Variants in ANO4 observed in about 807,000 individuals in gnomAD.
The protein encoded by ANO4 is anoctamin 4.
Under a neutral mutation model 141.9 loss-of-function variants are expected in ANO4, and 69 were observed. That is an observed-to-expected ratio of 0.49 (90% CI 0.40 to 0.59). ANO4 has a LOEUF of 0.59. ANO4 is among the 20% of genes least tolerant of loss of function. The pLI, the probability that ANO4 is intolerant of heterozygous loss-of-function variation, is 0.00. For synonymous variants in ANO4, 350 were observed against 394.3 expected, an observed-to-expected ratio of 0.89 and a Z score of 1.33; for missense variants, 894 against 1,162.2, an observed-to-expected ratio of 0.77 and a Z score of 3.36.
intron 23 of ANO4, among the ~76,000 whole-genome samples, 176 bp downstream of exon 23, chr12:101,110,732 C>G (rs2050631365): frequency 6.6e-6 from 1 of 152,058 alleles, no homozygotes; most frequent in Non-Finnish European, 1.5e-5. Flanking sequence ...GTAAAGCTAC[C>G]TATTTGGAAG....
chr12:100,827,779 G>A (rs548102230), intron 1 of ANO4, among the ~76,000 whole-genome samples: 1 of 152,120 alleles, frequency 6.6e-6, no homozygotes, highest in East Asian at 1.9e-4. Context: ...TGGGTAAGAA[G>A]TCCAGCCATT....
At chr12:101,048,785 T>C (rs761835428) in intron 14 of ANO4, among the ~76,000 whole-genome samples, 1 of 152,196 alleles carries the variant, frequency 6.6e-6, no homozygotes, top group Non-Finnish European at 1.5e-5. Context: ...AGCTTTCTTC[T>C]AGCTCTGTAC....
chr12:100,974,797 G>T (rs1467524319), intron 6 of ANO4, 48 bp from the exon 7 acceptor site: 3 of 1,600,812 alleles, frequency 1.9e-6, no homozygotes, highest in Middle Eastern at 1.7e-4. Context: ...AACTGTAACT[G>T]ACGATGGGTT....
intron 21 of ANO4, 147 bp downstream of exon 21, chr12:101,098,092 G>C (rs1593263276): frequency 4.4e-6 from 3 of 676,576 alleles, no homozygotes. Context: ...ACATCCAAAG[G>C]CAGCCATGAA....
At chr12:101,109,570 C>CA (rs918033997) in intron 22 of ANO4, among the ~76,000 whole-genome samples, 5 of 151,648 alleles carry the variant, frequency 3.3e-5, no homozygotes, top group Admixed American at 6.6e-5. Flanking sequence ...CAAAAAAAAA[C>CA]AAAAAACAAA....
intron 1 of ANO4, among the ~76,000 whole-genome samples, chr12:100,805,442 T>G (rs1345091109): frequency 6.6e-6 from 1 of 152,242 alleles, no homozygotes; most frequent in Non-Finnish European, 1.5e-5. Context: ...GGTTCTTTTT[T>G]GGTTCCATAT....
intron 14 of ANO4, chr12:101,069,188 A>G (rs959249325): frequency 2.4e-6 from 3 of 1,274,704 alleles, no homozygotes; most frequent in African/African-American, 2.9e-5. Context: ...TGCGAGGAAC[A>G]GTGTCTCCCT....
rs1308806963 is a variant in ANO4, at chr12:100,961,587, C to G, written c.457-9719C>G. Among the ~76,000 whole-genome samples, 3 of 152,114 alleles carry G rather than the reference C, an allele frequency of 2.0e-5. No individual in the cohort carries two copies. In the East Asian group the frequency reaches 5.8e-4, roughly 29 times the overall value. On this transcript the variant is annotated intron_variant, in intron 5 of 27. Coordinates refer to ENST00000392977, the MANE Select transcript of ANO4 (RefSeq NM_001286615.2). Reference sequence around the variant, plus strand: ...TAATGTAATTTAAAATATTCGGGAGCTACATATAAAAGGTAAAAATAAACA... The same window carrying G: ...TAATGTAATTTAAAATATTCGGGAGGTACATATAAAAGGTAAAAATAAACA...
intron 8 of ANO4, among the ~76,000 whole-genome samples, chr12:100,997,581 A>T (rs181446623): frequency 9.1e-4 from 138 of 152,192 alleles, no homozygotes; most frequent in African/African-American, 3.1e-3. Flanking sequence ...TAAAGTAGGC[A>T]TTCAAGTTCA....
chr12:100,990,260 G>A (rs2045030042), intron 8 of ANO4, among the ~76,000 whole-genome samples: 1 of 152,080 alleles, frequency 6.6e-6, no homozygotes, highest in Non-Finnish European at 1.5e-5. Context: ...CACTTCAAAG[G>A]GTTATAGGTG....
At chr12:100,890,965 C>T (rs111931730) in intron 1 of ANO4, among the ~76,000 whole-genome samples, 4 of 152,268 alleles carry the variant, frequency 2.6e-5, no homozygotes, top group African/African-American at 9.6e-5. Flanking sequence ...TTCTTCTTTC[C>T]TCGTGGCAAC....
intron 7 of ANO4, among the ~76,000 whole-genome samples, chr12:100,978,172 A>G (rs1305911588): frequency 6.6e-6 from 1 of 152,208 alleles, no homozygotes; most frequent in Non-Finnish European, 1.5e-5. Flanking sequence ...GACTCATTCA[A>G]TTCTATATTT....
chr12:100,776,206 G>A (rs561835638), intron 3 of ANO4, among the ~76,000 whole-genome samples: 3 of 152,190 alleles, frequency 2.0e-5, no homozygotes, highest in Non-Finnish European at 4.4e-5. Context: ...AGACCCAGGA[G>A]TCCAGGCCAG....
chr12:100,931,855 A>G (rs921100449), intron 3 of ANO4, among the ~76,000 whole-genome samples: 4 of 152,152 alleles, frequency 2.6e-5, no homozygotes, highest in African/African-American at 9.7e-5. Flanking sequence ...GCCGAATTGG[A>G]GCTACCTTAG....
chr12:101,029,238 T>C (rs544404878), intron 9 of ANO4, among the ~76,000 whole-genome samples: 1 of 152,084 alleles, frequency 6.6e-6, no homozygotes, highest in African/African-American at 2.4e-5. Flanking sequence ...CACCAAAATA[T>C]AAAGACCAAT....
At chr12:101,001,419 C>T (rs146184166) in intron 8 of ANO4, among the ~76,000 whole-genome samples, 25 of 152,278 alleles carry the variant, frequency 1.6e-4, no homozygotes, top group African/African-American at 5.8e-4. Context: ...GTGCACTGCA[C>T]GCCCTCCACA....
At chr12:100,813,311 T>C (rs1271993798) in intron 1 of ANO4, among the ~76,000 whole-genome samples, 2 of 152,178 alleles carry the variant, frequency 1.3e-5, no homozygotes, top group Non-Finnish European at 2.9e-5. Context: ...GGTGATCCTC[T>C]CCAAGGGCTT....
At chr12:100,944,391 C>T (rs943043059) in intron 5 of ANO4, among the ~76,000 whole-genome samples, 6 of 152,088 alleles carry the variant, frequency 3.9e-5, no homozygotes, top group African/African-American at 7.2e-5. Context: ...AAAATTTTAA[C>T]AGGTATTTAT....
chr12:100,824,707 T>G (rs967677735), intron 1 of ANO4, among the ~76,000 whole-genome samples: 1 of 152,052 alleles, frequency 6.6e-6, no homozygotes, highest in Non-Finnish European at 1.5e-5. Flanking sequence ...GGGGAAGATC[T>G]TATCAATGAA....
Sources: gnomAD v4.1 joint callset for allele counts (sites outside exome capture counted in the v4.1 genomes callset) on GRCh38, gnomAD v4.1.1 for gene constraint, MANE v1.5 for transcripts, NCBI Gene and HGNC (gene_info 2026-07-23, HGNC 2026-07-21) for gene names.